MACROD2: variants seen among roughly 807,000 people sequenced by gnomAD.
MACROD2 encodes mono-ADP ribosylhydrolase 2.
Under a neutral mutation model 70.4 loss-of-function variants are expected in MACROD2, and 36 were observed. The ratio of observed to expected loss-of-function variants is 0.51; its 90% CI spans 0.39 to 0.68. The LOEUF (loss-of-function observed/expected upper bound fraction) is 0.68, where lower values mean the gene tolerates loss of function less well. Ranked by LOEUF, MACROD2 falls within the 30% of genes least tolerant of loss-of-function variation. The pLI, the probability that MACROD2 is intolerant of heterozygous loss-of-function variation, is 0.00. For synonymous variants in MACROD2, 172 were observed against 178.8 expected (o/e 0.96, Z 0.30); for missense variants, 496 against 538.4 (o/e 0.92, Z 0.78).
chr20:15,234,377 T>C (rs1445385728), intron 6 of MACROD2, among the ~76,000 whole-genome samples: 1 of 151,768 alleles, frequency 6.6e-6, no homozygotes, highest in Admixed American at 6.6e-5. Context: ...GATTGCAAGA[T>C]AGGCAAAATT....
intron 8 of MACROD2, among the ~76,000 whole-genome samples, chr20:15,547,883 G>T (rs1439728670): frequency 6.6e-6 from 1 of 152,150 alleles, no homozygotes; most frequent in African/African-American, 2.4e-5. Flanking sequence ...TCTCAGAACA[G>T]CCTCTTTGCC....
In MACROD2 at chr20:14,214,584, TTC is replaced by T. The variant is rs1326730126; in HGVS notation, c.271+128858_271+128859del. Among the ~76,000 whole-genome samples the T allele has an allele frequency of 3.4e-5, 5 of 147,552 alleles. No individual in the cohort carries two copies. The East Asian group carries it at 6.0e-4, about 18-fold the overall frequency. ...CTACCTGAGAAGTTATCCAGCAATG[TTC>T]TTTTTTTTTTTTTTTTAAGGTTTTT... On this transcript the variant is annotated intron_variant, in intron 3 of 17. Coordinates refer to ENST00000684519, the MANE Select transcript of MACROD2 (RefSeq NM_001351661.2).
At chr20:15,654,687 T>C (rs2049700968) in intron 8 of MACROD2, among the ~76,000 whole-genome samples, 1 of 152,186 alleles carries the variant, frequency 6.6e-6, no homozygotes. Flanking sequence ...AGACGATTGC[T>C]TTGGTATCTG....
intron 5 of MACROD2, among the ~76,000 whole-genome samples, chr20:15,098,052 C>T (rs1446478842): frequency 1.3e-5 from 2 of 152,092 alleles, no homozygotes; most frequent in East Asian, 3.9e-4. Context: ...GCCAAATAAA[C>T]TTAAACACTG....
At chr20:16,023,661 A>G (rs1002148320) in intron 15 of MACROD2, among the ~76,000 whole-genome samples, 1 of 151,986 alleles carries the variant, frequency 6.6e-6, no homozygotes, top group African/African-American at 2.4e-5. Context: ...GCAGACTGTC[A>G]TTGTTAGCAG....
intron 8 of MACROD2, among the ~76,000 whole-genome samples, chr20:15,566,638 A>G (rs2048314686): frequency 6.6e-6 from 1 of 152,126 alleles, no homozygotes. Flanking sequence ...ATTTCTTGTC[A>G]TTAAAAGAAG....
intron 7 of MACROD2, among the ~76,000 whole-genome samples, chr20:15,490,509 C>A (rs1196014183): frequency 6.6e-6 from 1 of 152,092 alleles, no homozygotes; most frequent in East Asian, 1.9e-4. Flanking sequence ...AATCCTCCTG[C>A]CAAAACATCC....
intron 6 of MACROD2, among the ~76,000 whole-genome samples, chr20:15,420,489 T>A (rs764544812): frequency 2.9e-4 from 44 of 152,196 alleles, no homozygotes; most frequent in Non-Finnish European, 6.2e-4. Context: ...AACCTTGGCC[T>A]TTGGGTCAGT....
At chr20:14,417,970 G>T (rs539219678) in intron 3 of MACROD2, among the ~76,000 whole-genome samples, 2 of 152,224 alleles carry the variant, frequency 1.3e-5, no homozygotes, top group African/African-American at 4.8e-5. Context: ...TACTACTTCT[G>T]TTATAAATCA....
chr20:14,006,749 T>C (rs1214375019), intron 2 of MACROD2, among the ~76,000 whole-genome samples: 1 of 152,212 alleles, frequency 6.6e-6, no homozygotes, highest in African/African-American at 2.4e-5. Context: ...AATTTATTTG[T>C]TGAATACACT....
At chr20:15,232,568 G>A (rs368398936) in intron 6 of MACROD2, among the ~76,000 whole-genome samples, 1 of 152,012 alleles carries the variant, frequency 6.6e-6, no homozygotes, top group Non-Finnish European at 1.5e-5. Context: ...GGGATAATGT[G>A]TATAAGATAA....
At chr20:15,143,333 C>G (rs6079682) in intron 5 of MACROD2, among the ~76,000 whole-genome samples, 89,321 of 151,688 alleles carry the variant, frequency 0.59, 26,397 homozygotes, top group East Asian at 0.65. Flanking sequence ...CTGTTCATAT[C>G]CTTTGCCCAA....
chr20:14,355,271 C>G (rs1268289852), intron 3 of MACROD2, among the ~76,000 whole-genome samples: 2 of 152,098 alleles, frequency 1.3e-5, no homozygotes, highest in Non-Finnish European at 2.9e-5. Context: ...CCACTTGTAA[C>G]CTATCAAATT....
intron 8 of MACROD2, among the ~76,000 whole-genome samples, chr20:15,584,684 A>G (rs1205610923): frequency 2.0e-5 from 3 of 152,168 alleles, no homozygotes; most frequent in Non-Finnish European, 2.9e-5. Flanking sequence ...TGCGTAGTGT[A>G]CCCACAGGGG....
At chr20:15,906,622 C>T (rs6034324) in intron 10 of MACROD2, among the ~76,000 whole-genome samples, 6,164 of 151,774 alleles carry the variant, frequency 0.041, 302 homozygotes, top group East Asian at 0.12. Flanking sequence ...CTTTCAAACT[C>T]AAATTTCTCA....
At chr20:15,265,972 CA>C (rs1432080873) in intron 6 of MACROD2, among the ~76,000 whole-genome samples, 1 of 152,162 alleles carries the variant, frequency 6.6e-6, no homozygotes, top group East Asian at 1.9e-4. Flanking sequence ...CATGCATGTT[CA>C]AAGGCTTTGT....
At chr20:15,947,837 T>C (rs2065846126) in intron 12 of MACROD2, among the ~76,000 whole-genome samples, 1 of 152,196 alleles carries the variant, frequency 6.6e-6, no homozygotes, top group Admixed American at 6.5e-5. Flanking sequence ...AAAGTATGAA[T>C]GGGAAATTAT....
chr20:15,994,934 A>C (rs1242137689), intron 15 of MACROD2, among the ~76,000 whole-genome samples: 2 of 152,218 alleles, frequency 1.3e-5, no homozygotes, highest in African/African-American at 4.8e-5. Flanking sequence ...AAAGATGTTA[A>C]GATGTGAAAG....
intron 5 of MACROD2, among the ~76,000 whole-genome samples, chr20:15,078,750 G>A (rs1009593945): frequency 2.0e-5 from 3 of 149,358 alleles, no homozygotes; most frequent in Admixed American, 6.7e-5. Context: ...GGGTTCAAGC[G>A]ATTCTCCTGT....
Sources: allele counts gnomAD v4.1 joint callset (sites outside exome capture counted in the v4.1 genomes callset), GRCh38; gene constraint gnomAD v4.1.1; transcripts MANE v1.5; gene names NCBI Gene and HGNC (gene_info 2026-07-23, HGNC 2026-07-21).